FLT1: variants seen among roughly 807,000 people sequenced by gnomAD.
FLT1 encodes vascular endothelial growth factor receptor 1.
A neutral mutation model predicts 156.3 loss-of-function variants in FLT1; 49 were observed. The observed-to-expected ratio is 0.31, with a 90% CI of 0.25 to 0.40. The LOEUF is 0.40. Ranked by LOEUF, FLT1 falls within the 10% of genes least tolerant of loss-of-function variation. FLT1 has a pLI of 1.00. For synonymous variants in FLT1, 594 were observed against 583.8 expected (o/e 1.02, Z -0.25); for missense variants, 1,322 against 1,637.2 (o/e 0.81, Z 3.32).
At chr13:28,338,833 C>T (rs1162263934) in intron 17 of FLT1, among the ~76,000 whole-genome samples, 1 of 152,178 alleles carries the variant, frequency 6.6e-6, no homozygotes, top group African/African-American at 2.4e-5. Context: ...CGCCGCCCTT[C>T]ACTTACCACT....
intron 3 of FLT1, among the ~76,000 whole-genome samples, chr13:28,458,045 C>T (rs548375256): frequency 6.7e-6 from 1 of 149,220 alleles, no homozygotes; most frequent in Non-Finnish European, 1.5e-5. Flanking sequence ...AGCGATTCTC[C>T]TGCCTCAGCC....
chr13:28,306,417 G>A (rs1870752728), intron 29 of FLT1, among the ~76,000 whole-genome samples: 1 of 152,206 alleles, frequency 6.6e-6, no homozygotes, highest in Non-Finnish European at 1.5e-5. Flanking sequence ...TCTTTCACCT[G>A]AGGCACTGTG....
chr13:28,494,695 G>T, intron 1 of FLT1, 85 bp downstream of exon 1: 1 of 1,058,248 alleles, frequency 9.4e-7, no homozygotes, highest in Non-Finnish European at 1.4e-6. Flanking sequence ...CTCCCCGCGT[G>T]CACCCCGCCC....
chr13:28,454,427 G>GT, intron 3 of FLT1, among the ~76,000 whole-genome samples: 1 of 152,174 alleles, frequency 6.6e-6, no homozygotes, highest in Non-Finnish European at 1.5e-5. Flanking sequence ...CGTCCTAAAT[G>GT]TTTTGCACAT....
chr13:28,472,181 C>A (rs752952568), intron 1 of FLT1, among the ~76,000 whole-genome samples: 1 of 152,312 alleles, frequency 6.6e-6, no homozygotes, highest in African/African-American at 2.4e-5. Flanking sequence ...AAAGCCTATA[C>A]GTAGAGTGTT....
intron 18 of FLT1, among the ~76,000 whole-genome samples, chr13:28,332,838 G>C (rs1325900573): frequency 6.6e-6 from 1 of 152,200 alleles, no homozygotes; most frequent in Non-Finnish European, 1.5e-5. Context: ...CTAGTCTGGT[G>C]CTTTCTTACA....
At chr13:28,368,703 C>CT (rs34319914) in intron 14 of FLT1, 108,699 of 558,972 alleles carry the variant, frequency 0.19, 4,731 homozygotes, top group African/African-American at 0.27. Context: ...AGATTGGCAG[C>CT]TTTTTTTTTT....
chr13:28,463,267 T>C (rs914587322), intron 3 of FLT1, among the ~76,000 whole-genome samples: 1 of 152,230 alleles, frequency 6.6e-6, no homozygotes, highest in Non-Finnish European at 1.5e-5. Flanking sequence ...AATGATAAAG[T>C]GCTGATATTG....
At chr13:28,386,893 C>T in intron 13 of FLT1, 4 of 1,046,968 alleles carry the variant, frequency 3.8e-6, no homozygotes, top group Non-Finnish European at 4.6e-6. Flanking sequence ...GCTTCCTCAG[C>T]ACACTATTTC....
intron 12 of FLT1, among the ~76,000 whole-genome samples, chr13:28,396,459 C>A (rs550713317): frequency 2.6e-5 from 4 of 152,184 alleles, no homozygotes; most frequent in Admixed American, 1.3e-4. Flanking sequence ...TAAATGCTAT[C>A]AAAAAATAGC....
intron 10 of FLT1, among the ~76,000 whole-genome samples, chr13:28,416,944 T>C (rs1211442708): frequency 3.3e-5 from 5 of 152,192 alleles, no homozygotes; most frequent in Non-Finnish European, 5.9e-5. Context: ...GTAATGTTTT[T>C]TAAAAGGGTG....
intron 29 of FLT1, among the ~76,000 whole-genome samples, chr13:28,303,787 A>G (rs972553239): frequency 1.8e-4 from 28 of 152,160 alleles, no homozygotes; most frequent in African/African-American, 6.5e-4. Flanking sequence ...GAACTGCAAG[A>G]GAATAAATTT....
chr13:28,358,296 T>A (rs1872978784), intron 14 of FLT1, among the ~76,000 whole-genome samples: 1 of 152,214 alleles, frequency 6.6e-6, no homozygotes. Flanking sequence ...AGCCTAGTGA[T>A]GAAGAGTTTG....
At position 28,302,600 on chromosome 13, in the gene FLT1, G is replaced by A. The variant is rs955193363; in HGVS notation, c.*567C>T. 7.3e-5 allele frequency: 17 copies of A among 234,164 alleles called. No individual in the cohort carries two copies. The highest frequency in any genetic ancestry group is 3.3e-4 in the African/African-American group (15 of 45,332). The allele number at this position is 234,164 out of a possible 1,614,324, so 14.5% of individuals were successfully genotyped here. On this transcript the variant is annotated 3_prime_UTR_variant, in exon 30 of 30. Coordinates refer to ENST00000282397, the MANE Select transcript of FLT1 (RefSeq NM_002019.4). ...CACTGAAATGGCATTGCTGAGCCCC[G>A]TCCCCCTCCGTGCCCACATGGTGCG...
At chr13:28,448,940 C>A (rs958300421) in intron 3 of FLT1, among the ~76,000 whole-genome samples, 1 of 152,066 alleles carries the variant, frequency 6.6e-6, no homozygotes, top group South Asian at 2.1e-4. Flanking sequence ...TTAGGCCACT[C>A]ACAAAAAATA....
chr13:28,458,560 G>T (rs1035021381), intron 3 of FLT1, among the ~76,000 whole-genome samples: 3 of 152,198 alleles, frequency 2.0e-5, no homozygotes, highest in African/African-American at 7.2e-5. Context: ...AGGGTCTGGG[G>T]CAGGGGCCAA....
At position 28,302,464 on chromosome 13, in the gene FLT1, A is replaced by G. The variant is rs1200049253; in HGVS notation, c.*703T>C. On this transcript the variant is annotated 3_prime_UTR_variant, in exon 30 of 30. Transcript: ENST00000282397. Reference sequence around the variant, plus strand: ...GTTCTAAAATTTGCTTTAGTTCCAAAAAAGATATTTGTCCTTTTCTTGCCT... The same window carrying G: ...GTTCTAAAATTTGCTTTAGTTCCAAGAAAGATATTTGTCCTTTTCTTGCCT... 1 of 233,176 alleles carries G rather than the reference A, an allele frequency of 4.3e-6. No homozygotes were observed. The highest frequency in any genetic ancestry group is 8.5e-6 in the Non-Finnish European group (1 of 118,062). 14.4% of individuals were successfully genotyped at this position (233,176 alleles called of 1,614,324 possible).
chr13:28,482,368 G>A (rs988673022), intron 1 of FLT1, among the ~76,000 whole-genome samples: 15 of 151,840 alleles, frequency 9.9e-5, no homozygotes, highest in African/African-American at 3.4e-4. Flanking sequence ...AACCCAGGAG[G>A]TGGAGATTGC....
At position 28,336,771 on chromosome 13, in the gene FLT1, G is replaced by A. The variant is rs113145234; in HGVS notation, c.2488+2397C>T. 6.3e-3 allele frequency among the ~76,000 whole-genome samples: 890 copies of A among 141,062 alleles called. 10 individuals are homozygous for A. Among genetic ancestry groups the A allele is most frequent in the African/African-American group, 0.023 (854 of 37,536 alleles). The allele number at this position is 141,062 out of a possible 152,430, so 92.5% of individuals were successfully genotyped here. ...TTTTTTTTTTTTTTTTTTTGGAGAC[G>A]GAGTCTCACTCTGTTGCCCAGGCCG... On this transcript the variant is annotated intron_variant, in intron 17 of 29. Transcript: ENST00000282397.
Sources: allele counts gnomAD v4.1 joint callset (sites outside exome capture counted in the v4.1 genomes callset), GRCh38; gene constraint gnomAD v4.1.1; transcripts MANE v1.5; gene names NCBI Gene and HGNC (gene_info 2026-07-23, HGNC 2026-07-21).